The following AKAP19 variants were observed in gnomAD, a reference collection of about 807,000 sequenced individuals.
The protein encoded by AKAP19 is A-kinase anchoring protein 19, also known as small A-kinase anchoring protein.
chr2:190,049,297 T>C, the AKAP19 span, among the ~76,000 whole-genome samples: 1 of 152,110 alleles, frequency 6.6e-6, no homozygotes, highest in Non-Finnish European at 1.5e-5. Flanking sequence ...TTAAATAAGA[T>C]TAATAACCTT....
chr2:189,907,760 CAT>C, the AKAP19 span, among the ~76,000 whole-genome samples: 1 of 151,818 alleles, frequency 6.6e-6, no homozygotes, highest in Non-Finnish European at 1.5e-5. Flanking sequence ...CAAATATTAT[CAT>C]ATATATATAA....
chr2:190,067,849 T>G, the AKAP19 span, among the ~76,000 whole-genome samples: 1 of 152,118 alleles, frequency 6.6e-6, no homozygotes, highest in Non-Finnish European at 1.5e-5. Flanking sequence ...GGCTTAAAAT[T>G]TATCATAGAA....
chr2:190,180,505 C>A, the AKAP19 span: 6 of 985,548 alleles, frequency 6.1e-6, no homozygotes, highest in East Asian at 1.1e-4. This position sits in a 1 kb window ranked among gnomAD's most constrained non-coding sequence, Gnocchi z 6.8. Context: ...TGCGATGCCT[C>A]GCTGGCTTCT....
chr2:190,023,795 GTA>G, the AKAP19 span, among the ~76,000 whole-genome samples: 8,203 of 142,646 alleles, frequency 0.058, 274 homozygotes, highest in African/African-American at 0.073. Context: ...ATGTGTGTGT[GTA>G]TATATATATA....
At chr2:190,029,265 T>C in the AKAP19 span, among the ~76,000 whole-genome samples, 5 of 152,240 alleles carry the variant, frequency 3.3e-5, no homozygotes, top group South Asian at 2.1e-4. Context: ...TTGGTCAGGC[T>C]GGTCTTAAAC....
chr2:190,126,310 AAAAAAAAAAAAAAAG>A, the AKAP19 span, among the ~76,000 whole-genome samples: 26 of 135,370 alleles, frequency 1.9e-4, no homozygotes, highest in Non-Finnish European at 4.0e-4. Flanking sequence ...AAAAAAAAAA[AAAAAAAAAAAAAAAG>A]GTGTATATTT....
At chr2:189,973,288 A>T in the AKAP19 span, among the ~76,000 whole-genome samples, 1 of 152,136 alleles carries the variant, frequency 6.6e-6, no homozygotes, top group Non-Finnish European at 1.5e-5. Flanking sequence ...GATTATGTTT[A>T]TTGATTTGTG....
the AKAP19 span, among the ~76,000 whole-genome samples, chr2:189,969,873 T>C: frequency 1.2e-4 from 16 of 134,934 alleles, no homozygotes; most frequent in African/African-American, 4.8e-4. Flanking sequence ...CTTCTTCTTT[T>C]TTTTTTTTTT....
the AKAP19 span, chr2:189,930,272 GTC>G: frequency 2.2e-6 from 1 of 452,990 alleles, no homozygotes; most frequent in Non-Finnish European, 3.5e-6. Context: ...TGGCTCAATA[GTC>G]TAGGTTGAAA....
the AKAP19 span, among the ~76,000 whole-genome samples, chr2:190,192,720 AC>A: frequency 6.6e-6 from 1 of 152,186 alleles, no homozygotes; most frequent in African/African-American, 2.4e-5. Flanking sequence ...TACAACGTAC[AC>A]AATACAAAAT....
At chr2:190,132,198 T>C in the AKAP19 span, among the ~76,000 whole-genome samples, 1 of 152,206 alleles carries the variant, frequency 6.6e-6, no homozygotes, top group Non-Finnish European at 1.5e-5. Flanking sequence ...GGAGAACTGA[T>C]ATTGTTAAAT....
At chr2:189,953,281 TA>T in the AKAP19 span, among the ~76,000 whole-genome samples, 1 of 152,206 alleles carries the variant, frequency 6.6e-6, no homozygotes, top group East Asian at 1.9e-4. Context: ...ATAATAAGAT[TA>T]ATAATAAAAT....
chr2:189,907,088 A>G, the AKAP19 span, among the ~76,000 whole-genome samples: 1 of 152,102 alleles, frequency 6.6e-6, no homozygotes, highest in Non-Finnish European at 1.5e-5. Flanking sequence ...CTTCTATTCC[A>G]TTCTTCACAC....
the AKAP19 span, among the ~76,000 whole-genome samples, chr2:190,006,115 A>G: frequency 6.6e-6 from 1 of 152,254 alleles, no homozygotes; most frequent in Non-Finnish European, 1.5e-5. Context: ...GACGAATAAC[A>G]CAGTATTCTT....
chr2:190,029,638 G>A, the AKAP19 span, among the ~76,000 whole-genome samples: 1,453 of 152,228 alleles, frequency 9.5e-3, 29 homozygotes, highest in African/African-American at 0.032. Flanking sequence ...AGTTTTGTGG[G>A]TTGTATAGTC....
chr2:190,061,516 A>C, the AKAP19 span, among the ~76,000 whole-genome samples: 1 of 152,116 alleles, frequency 6.6e-6, no homozygotes, highest in South Asian at 2.1e-4. Flanking sequence ...TACTCTCAAT[A>C]ATAGTACTAT....
the AKAP19 span, among the ~76,000 whole-genome samples, chr2:190,195,747 G>GT: frequency 2.0e-5 from 3 of 152,144 alleles, no homozygotes; most frequent in African/African-American, 4.8e-5. Context: ...AAACAGAGCA[G>GT]TTTTTTAGTG....
chr2:190,148,953 CTTTTTTTTTTTT>C, the AKAP19 span, among the ~76,000 whole-genome samples: 19 of 134,080 alleles, frequency 1.4e-4, 4 homozygotes, highest in Admixed American at 2.9e-4. Flanking sequence ...TCTTTTCTTT[CTTTTTTTTTTTT>C]TTTTTTTTTT....
chr2:190,068,029 C>A, the AKAP19 span, among the ~76,000 whole-genome samples: 1 of 152,064 alleles, frequency 6.6e-6, no homozygotes, highest in Admixed American at 6.6e-5. Flanking sequence ...TGGTGAAACA[C>A]CATTTCTGCT....
Sources: allele counts gnomAD v4.1 joint callset (sites outside exome capture counted in the v4.1 genomes callset), GRCh38; gene constraint gnomAD v4.1.1; non-coding constraint Gnocchi (gnomAD v3.1); transcripts MANE v1.5; gene names NCBI Gene and HGNC (gene_info 2026-07-23, HGNC 2026-07-21).